Variants in SEZ6 observed in about 807,000 individuals in gnomAD.
The protein encoded by SEZ6 is seizure protein 6 homolog.
A neutral mutation model predicts 101.0 loss-of-function variants in SEZ6; 53 were observed. The ratio of observed to expected loss-of-function variants is 0.52; its 90% CI spans 0.42 to 0.66. The LOEUF is 0.66. Among genes scored for constraint, SEZ6 ranks in the 30% least tolerant of loss-of-function variants. SEZ6 has a pLI of 0.00. For synonymous variants in SEZ6, 488 were observed against 512.2 expected, an observed-to-expected ratio of 0.95 and a Z score of 0.64; for missense variants, 1,102 against 1,289.4, an observed-to-expected ratio of 0.85 and a Z score of 2.23.
chr17:28,957,978 A>G lies in SEZ6; in HGVS notation c.2271T>C (p.Thr757=), dbSNP rs1180632160. ...SSVLMCQWDL[T]WSEDLPSCQR... The stretch of plus-strand genomic sequence containing the variant: ...GGCATGAGGGCAGGTCCTCACTCCA[A>G]GTTAGGTCCCACTGGCACATGAGGA... Residue 757 remains threonine (T), a synonymous_variant, in exon 11 of 17, where the codon ACT becomes ACC. Transcript: ENST00000317338. 4.3e-6 allele frequency: 7 copies of G among 1,613,938 alleles called. No individual in the cohort carries two copies. The highest frequency in any genetic ancestry group is 5.9e-6 in the Non-Finnish European group (7 of 1,179,822).
chr17:28,956,404 A>G lies in SEZ6; in HGVS notation c.2795T>C (p.Leu932Ser). Residue 932 changes from leucine (L) to serine (S), a missense_variant, in exon 15 of 17, where the codon TTG becomes TCG. Around this residue, in one of 3 missense-constraint regions of SEZ6, gnomAD observed 140 missense variants for 135.7 expected, o/e 1.03. Coordinates refer to ENST00000317338, the MANE Select transcript of SEZ6 (RefSeq NM_178860.5). Reference protein sequence around the residue: ...DAAHIAAAIFLPLVAMVLLVG... With the variant: ...DAAHIAAAIFSPLVAMVLLVG... Reference sequence around the variant, plus strand: ...CAACAACACCATCGCCACCAGTGGCAAGAAGATGGCAGCTGCAATGTGGGC... The same window carrying G: ...CAACAACACCATCGCCACCAGTGGCGAGAAGATGGCAGCTGCAATGTGGGC... 6.4e-7 allele frequency: 1 copy of G among 1,571,082 alleles called. No homozygotes were observed. The highest frequency in any genetic ancestry group is 1.9e-5 in the Admixed American group (1 of 53,334).
chr17:28,974,217 G>T (rs1457116135), intron 3 of SEZ6, among the ~76,000 whole-genome samples: 1 of 152,166 alleles, frequency 6.6e-6, no homozygotes, highest in East Asian at 1.9e-4. Context: ...GATGACTCTT[G>T]TGTGCGATCC....
At chr17:28,969,314 C>T (rs2041115433) in intron 4 of SEZ6, among the ~76,000 whole-genome samples, 2 of 152,202 alleles carry the variant, frequency 1.3e-5, no homozygotes, top group South Asian at 4.1e-4. Context: ...CTTTGACCTT[C>T]ACCCTCTTGC....
intron 3 of SEZ6, among the ~76,000 whole-genome samples, chr17:28,972,066 A>G (rs915241500): frequency 6.6e-6 from 1 of 152,174 alleles, no homozygotes; most frequent in African/African-American, 2.4e-5. Flanking sequence ...GGGCATCCAC[A>G]TATGGGACTC....
chr17:28,987,149 A>C (rs917788245), intron 1 of SEZ6, among the ~76,000 whole-genome samples: 1 of 152,190 alleles, frequency 6.6e-6, no homozygotes, highest in Non-Finnish European at 1.5e-5. Context: ...GCACGGGGAC[A>C]ATGAGAATTT....
intron 1 of SEZ6, among the ~76,000 whole-genome samples, chr17:28,987,059 G>A (rs966965883): frequency 2.0e-5 from 3 of 152,198 alleles, no homozygotes; most frequent in Admixed American, 6.5e-5. Flanking sequence ...GCATGACAGC[G>A]TGTGGGTACA....
Position 28,981,669 on chromosome 17 carries a change from C to A in SEZ6, c.426G>T (p.Pro142=). 1 of 1,574,638 alleles carries A rather than the reference C, an allele frequency of 6.4e-7. No homozygotes were observed. The highest frequency in any genetic ancestry group is 1.2e-5 in the South Asian group (1 of 85,720). ...QPQSKEGPWS[P]ESESPMLRIT... is the part of the protein sequence containing the mutation. ...TTCGAAGCATAGGGGACTCTGACTC[C>A]GGACTCCAGGGTCCCTCCTTGGACT... The change falls in exon 2 of 17, where the codon CCG becomes CCT. Residue 142 remains proline (P), a synonymous_variant. Coordinates refer to ENST00000317338, the MANE Select transcript of SEZ6 (RefSeq NM_178860.5).
intron 3 of SEZ6, among the ~76,000 whole-genome samples, chr17:28,971,599 A>G (rs1053652772): frequency 4.2e-5 from 6 of 141,272 alleles, no homozygotes; most frequent in African/African-American, 1.6e-4. Flanking sequence ...ATTTCAAAAC[A>G]AAAAAAAAAA....
At chr17:28,998,661 C>T (rs1161953063) in intron 1 of SEZ6, among the ~76,000 whole-genome samples, 1 of 152,066 alleles carries the variant, frequency 6.6e-6, no homozygotes, top group African/African-American at 2.4e-5. Flanking sequence ...GGAGGGTCCT[C>T]CAATAGCCAG....
At chr17:28,967,055 C>T (rs571915922) in intron 4 of SEZ6, among the ~76,000 whole-genome samples, 1 of 152,322 alleles carries the variant, frequency 6.6e-6, no homozygotes, top group East Asian at 1.9e-4. Context: ...TTCTCTGTGC[C>T]TCAGTTGCCT....
At chr17:29,003,373 G>T (rs1437880012) in intron 1 of SEZ6, among the ~76,000 whole-genome samples, 1 of 152,178 alleles carries the variant, frequency 6.6e-6, no homozygotes, top group Non-Finnish European at 1.5e-5. Flanking sequence ...TGTGAGCTTG[G>T]GCCAAGCCCA....
intron 1 of SEZ6, among the ~76,000 whole-genome samples, chr17:28,985,961 G>A (rs1012895461): frequency 6.6e-6 from 1 of 152,120 alleles, no homozygotes; most frequent in Non-Finnish European, 1.5e-5. Flanking sequence ...CCGCAGGGCC[G>A]GGGGCTGCAT....
intron 1 of SEZ6, among the ~76,000 whole-genome samples, chr17:29,001,012 T>C (rs759942272): frequency 3.3e-5 from 5 of 152,102 alleles, no homozygotes; most frequent in Non-Finnish European, 5.9e-5. Context: ...AGAATGGCCA[T>C]CAGCACCCTA....
At chr17:28,956,516 G>T in intron 14 of SEZ6, 49 bp from the exon 15 acceptor site, 1 of 1,527,736 alleles carries the variant, frequency 6.5e-7, no homozygotes, top group East Asian at 2.4e-5. Flanking sequence ...GTCACCTGGA[G>T]CCCATATTCT....
At chr17:29,003,693 C>A (rs937154194) in intron 1 of SEZ6, among the ~76,000 whole-genome samples, 2 of 152,226 alleles carry the variant, frequency 1.3e-5, no homozygotes, top group East Asian at 1.9e-4. Flanking sequence ...CCAGTCCAGC[C>A]GAGGAGAGAG....
In SEZ6 at chr17:29,005,836, G is replaced by T; in HGVS notation, c.34C>A (p.Leu12Met). 6.7e-7 allele frequency: 1 copy of T among 1,486,712 alleles called. No individual in the cohort carries two copies. 92.1% of individuals were successfully genotyped at this position (1,486,712 alleles called of 1,614,324 possible). ...TTACCGTGAGCCAGGAGCGCCAGCA[G>T]CGAGGGCAGGAGCAGCAGGGCTACC... ...RPVALLLLPSLLALLAHGLSL... is the reference protein window; with the variant it reads ...RPVALLLLPSMLALLAHGLSL... Residue 12 changes from leucine (L) to methionine (M), a missense_variant, in exon 1 of 17, where the codon CTG (leucine) becomes ATG (methionine). Leu to Met is a conservative substitution (Grantham distance 15). Coordinates refer to ENST00000317338, the MANE Select transcript of SEZ6 (RefSeq NM_178860.5). This position sits in a 1 kb window ranked among gnomAD's most constrained non-coding sequence, Gnocchi z 4.8.
In SEZ6 at chr17:28,981,551, T is replaced by A; in HGVS notation, c.544A>T (p.Thr182Ser). The stretch of plus-strand genomic sequence containing the variant: ...TCTCCAGGACCCTCTTGGGTTGGTG[T>A]CCAGGCTCTGCTGGGGGGTGTAGTG... ...ASTTPPSRAW[T>S]PTQEGPGDMG... The change falls in exon 2 of 17, where the codon ACA becomes TCA. Residue 182 changes from threonine (T) to serine (S), a missense_variant. Thr to Ser is a moderately conservative substitution (Grantham distance 58). This residue lies in a region of SEZ6 where 406 missense variants were observed against 418.6 expected (regional missense o/e 0.97). Coordinates refer to ENST00000317338, the MANE Select transcript of SEZ6 (RefSeq NM_178860.5). 1 of 1,612,780 alleles carries A rather than the reference T, an allele frequency of 6.2e-7. No homozygotes were observed. The highest frequency in any genetic ancestry group is 1.1e-5 in the South Asian group (1 of 90,744).
chr17:28,976,518 G>T (rs1316710565), intron 3 of SEZ6, among the ~76,000 whole-genome samples: 1 of 152,160 alleles, frequency 6.6e-6, no homozygotes, highest in East Asian at 1.9e-4. Context: ...AGAGGGGCAG[G>T]TGGGGAATTC....
At chr17:28,956,996 A>G (rs192328224) in intron 13 of SEZ6, 49 bp downstream of exon 13, 5 of 1,506,990 alleles carry the variant, frequency 3.3e-6, no homozygotes, top group Non-Finnish European at 3.6e-6. Context: ...TCTTTGCCAG[A>G]GCAGCTCTAT....
Sources: allele counts gnomAD v4.1 joint callset (sites outside exome capture counted in the v4.1 genomes callset), GRCh38; gene constraint gnomAD v4.1.1; regional missense constraint gnomAD v4.1.1; non-coding constraint Gnocchi (gnomAD v3.1); transcripts MANE v1.5; gene names NCBI Gene and HGNC (gene_info 2026-07-23, HGNC 2026-07-21).